The following GALNT17 variants were observed in gnomAD, a reference collection of about 807,000 sequenced individuals.
GALNT17 encodes UDP-GalNAc:polypeptide N-acetylgalactosaminyltransferase-like 3.
A neutral mutation model predicts 63.7 loss-of-function variants in GALNT17; 29 were observed. That is an observed-to-expected ratio of 0.46 (90% CI 0.34 to 0.62). The LOEUF (loss-of-function observed/expected upper bound fraction) is 0.62, where lower values mean the gene tolerates loss of function less well. GALNT17 is among the 20% of genes least tolerant of loss of function. The pLI is 0.01. For missense variants in GALNT17, 603 were observed against 799.6 expected (o/e 0.75, Z 2.97); for synonymous variants, 305 against 318.3 (o/e 0.96, Z 0.45).
At chr7:71,207,897 G>A (rs1166610516) in intron 1 of GALNT17, among the ~76,000 whole-genome samples, 1 of 152,072 alleles carries the variant, frequency 6.6e-6, no homozygotes, top group African/African-American at 2.4e-5. Flanking sequence ...ATGTATACAA[G>A]CAATGAGGTG....
At chr7:71,574,610 G>T (rs1021307191) in intron 6 of GALNT17, among the ~76,000 whole-genome samples, 2 of 152,142 alleles carry the variant, frequency 1.3e-5, no homozygotes, top group African/African-American at 4.8e-5. Context: ...AAAGGCAAAG[G>T]TCTGGGTTTG....
At chr7:71,602,884 G>A (rs1253344689) in intron 6 of GALNT17, among the ~76,000 whole-genome samples, 1 of 151,830 alleles carries the variant, frequency 6.6e-6, no homozygotes. Flanking sequence ...TGCATATACT[G>A]GGTACTGTGC....
chr7:71,602,448 T>C (rs1789979902), intron 6 of GALNT17, among the ~76,000 whole-genome samples: 1 of 152,212 alleles, frequency 6.6e-6, no homozygotes, highest in South Asian at 2.1e-4. Flanking sequence ...GCTGTATCTT[T>C]GATGTCTCGG....
intron 6 of GALNT17, among the ~76,000 whole-genome samples, chr7:71,648,736 C>T (rs1284336095): frequency 6.6e-6 from 1 of 152,142 alleles, no homozygotes; most frequent in Non-Finnish European, 1.5e-5. Flanking sequence ...CAAGCCTGGC[C>T]CTCAGCTGCG....
intron 5 of GALNT17, among the ~76,000 whole-genome samples, chr7:71,556,967 G>A (rs967115756): frequency 1.3e-5 from 2 of 151,718 alleles, no homozygotes; most frequent in Non-Finnish European, 2.9e-5. Flanking sequence ...TGTGGCCCAG[G>A]CTGTAGACTC....
chr7:71,493,364 GT>G (rs1788041570), intron 5 of GALNT17, among the ~76,000 whole-genome samples: 2 of 152,202 alleles, frequency 1.3e-5, no homozygotes, highest in African/African-American at 2.4e-5. Context: ...AAGGAAATGA[GT>G]TTTGATTGGT....
At chr7:71,462,571 T>G (rs574523294) in intron 5 of GALNT17, among the ~76,000 whole-genome samples, 2 of 152,210 alleles carry the variant, frequency 1.3e-5, no homozygotes, top group East Asian at 3.9e-4. Flanking sequence ...CACAGCTTGG[T>G]TTTATACATT....
chr7:71,301,489 A>T (rs1791197338), intron 1 of GALNT17, among the ~76,000 whole-genome samples: 1 of 150,278 alleles, frequency 6.7e-6, no homozygotes. Flanking sequence ...TTTAAAAGTA[A>T]TTATTGATAG....
intron 5 of GALNT17, among the ~76,000 whole-genome samples, chr7:71,544,420 G>A (rs1460258129): frequency 2.6e-5 from 4 of 151,856 alleles, no homozygotes; most frequent in Non-Finnish European, 5.9e-5. Flanking sequence ...GGGATTACAG[G>A]CGTGAGCCAC....
intron 1 of GALNT17, among the ~76,000 whole-genome samples, chr7:71,159,650 C>G (rs1478454786): frequency 6.7e-6 from 1 of 148,178 alleles, no homozygotes; most frequent in Non-Finnish European, 1.5e-5. Flanking sequence ...CAGAAACGGG[C>G]AGACCTACTA....
chr7:71,705,523 A>G (rs934694805), intron 9 of GALNT17, among the ~76,000 whole-genome samples: 2 of 152,234 alleles, frequency 1.3e-5, no homozygotes, highest in Non-Finnish European at 2.9e-5. Flanking sequence ...TCCTAGGTGT[A>G]TACCTCAGAG....
intron 6 of GALNT17, among the ~76,000 whole-genome samples, chr7:71,657,035 TG>T (rs1348640818): frequency 1.3e-5 from 2 of 152,164 alleles, no homozygotes; most frequent in African/African-American, 4.8e-5. Flanking sequence ...CAGAATATTT[TG>T]GATCCAAACC....
At chr7:71,687,891 T>C (rs972381144) in intron 9 of GALNT17, among the ~76,000 whole-genome samples, 1 of 151,960 alleles carries the variant, frequency 6.6e-6, no homozygotes, top group African/African-American at 2.4e-5. Flanking sequence ...ACAGATGGGG[T>C]CTTGCTGTGT....
intron 5 of GALNT17, among the ~76,000 whole-genome samples, chr7:71,433,119 T>C (rs886836483): frequency 1.3e-5 from 2 of 152,084 alleles, no homozygotes; most frequent in Admixed American, 1.3e-4. Context: ...CTCTATTCTT[T>C]AAAAATATAA....
intron 6 of GALNT17, among the ~76,000 whole-genome samples, chr7:71,580,579 C>T (rs891678029): frequency 4.6e-5 from 7 of 152,172 alleles, no homozygotes; most frequent in African/African-American, 9.6e-5. Context: ...GATAAAGCTG[C>T]GTACACTCAG....
At chr7:71,175,071 T>C (rs967649746) in intron 1 of GALNT17, among the ~76,000 whole-genome samples, 4 of 152,266 alleles carry the variant, frequency 2.6e-5, no homozygotes, top group Non-Finnish European at 4.4e-5. Flanking sequence ...CTTTCTATTC[T>C]ATCTATATCT....
At chr7:71,242,266 CTTTTTCTTTTTT>C (rs1468868291) in intron 1 of GALNT17, among the ~76,000 whole-genome samples, 4 of 116,494 alleles carry the variant, frequency 3.4e-5, no homozygotes, top group African/African-American at 9.2e-5. Flanking sequence ...TTTTCTTTTT[CTTTTTCTTTTTT>C]TTTTTTTTTG....
chr7:71,182,511 C>G (rs1585863112), intron 1 of GALNT17, among the ~76,000 whole-genome samples: 1 of 152,146 alleles, frequency 6.6e-6, no homozygotes, highest in East Asian at 1.9e-4. Context: ...TCTACTGGAG[C>G]TGACAGTTAG....
chr7:71,180,459 T>C (rs1788715555), intron 1 of GALNT17, among the ~76,000 whole-genome samples: 1 of 152,146 alleles, frequency 6.6e-6, no homozygotes, highest in Non-Finnish European at 1.5e-5. Context: ...AGAAGTCACG[T>C]GCAGATGAAT....
Sources: gnomAD v4.1 joint callset for allele counts (sites outside exome capture counted in the v4.1 genomes callset) on GRCh38, gnomAD v4.1.1 for gene constraint, MANE v1.5 for transcripts, NCBI Gene and HGNC (gene_info 2026-07-23, HGNC 2026-07-21) for gene names.